SETD3: variants seen among roughly 807,000 people sequenced by gnomAD.
The protein encoded by SETD3 is SET domain containing 3, actin N3(tau)-histidine methyltransferase.
Under a neutral mutation model 63.0 loss-of-function variants are expected in SETD3, and 19 were observed. That is an observed-to-expected ratio of 0.30 (90% CI 0.21 to 0.44). The LOEUF is 0.44. Among genes scored for constraint, SETD3 ranks in the 20% least tolerant of loss-of-function variants. The pLI is 1.00. For missense variants in SETD3, 587 were observed against 728.5 expected (o/e 0.81, Z 2.24); for synonymous variants, 286 against 264.1 (o/e 1.08, Z -0.80).
intron 6 of SETD3, among the ~76,000 whole-genome samples, chr14:99,447,486 G>C (rs1268631283): frequency 6.6e-6 from 1 of 152,218 alleles, no homozygotes; most frequent in Non-Finnish European, 1.5e-5. Context: ...TTTAGAATGA[G>C]TAATTTACAA....
At chr14:99,479,722 ACT>A (rs1896164725) in intron 1 of SETD3, among the ~76,000 whole-genome samples, 1 of 152,202 alleles carries the variant, frequency 6.6e-6, no homozygotes, top group Admixed American at 6.5e-5. Flanking sequence ...AGATGGGGTA[ACT>A]CTTCGAGGAT....
At chr14:99,469,114 T>TA (rs1895555327) in intron 1 of SETD3, among the ~76,000 whole-genome samples, 2 of 152,246 alleles carry the variant, frequency 1.3e-5, no homozygotes, top group African/African-American at 4.8e-5. Context: ...TTGACAGTAA[T>TA]TCTACAGTCG....
chr14:99,412,616 A>G (rs895124946), intron 8 of SETD3: 2 of 206,450 alleles, frequency 9.7e-6, no homozygotes, highest in Middle Eastern at 1.7e-3. Flanking sequence ...GAATAAGTAA[A>G]AAGAAACTTT....
chr14:99,455,096 G>C lies in SETD3; in HGVS notation c.675+3183C>G, dbSNP rs116646851. On this transcript the variant is annotated intron_variant, in intron 6 of 12. Coordinates refer to ENST00000331768, the MANE Select transcript of SETD3 (RefSeq NM_032233.3). ...ATAGCAAATGAACTATACAATACAG[G>C]TTTGTCTTACTACAAAGCATGTGCT... Among the ~76,000 whole-genome samples the C allele has an allele frequency of 8.4e-3, 1,276 of 152,288 alleles. 15 individuals are homozygous for C. Among genetic ancestry groups the C allele is most frequent in the African/African-American group, 0.029 (1,197 of 41,554 alleles).
chr14:99,469,893 A>G (rs1385635649), intron 1 of SETD3, among the ~76,000 whole-genome samples: 1 of 152,222 alleles, frequency 6.6e-6, no homozygotes, highest in Non-Finnish European at 1.5e-5. Flanking sequence ...TCCTTCCCCC[A>G]GTAGCCCACA....
chr14:99,482,097 TGTGACAGCTCCTAAACGATTG>T (rs1207344735), upstream of SETD3, among the ~76,000 whole-genome samples: 1 of 152,242 alleles, frequency 6.6e-6, no homozygotes, highest in Non-Finnish European at 1.5e-5. Context: ...CTAGAGGTTA[TGTGACAGCTCCTAAACGATTG>T]TCTGCCCAAG....
At chr14:99,473,888 C>T (rs1435546308) in intron 1 of SETD3, among the ~76,000 whole-genome samples, 2 of 152,302 alleles carry the variant, frequency 1.3e-5, no homozygotes, top group African/African-American at 2.4e-5. Context: ...GCCATGGTAC[C>T]GTGTTAGCTG....
chr14:99,448,757 A>G (rs1187705243), intron 6 of SETD3, among the ~76,000 whole-genome samples: 2 of 152,210 alleles, frequency 1.3e-5, no homozygotes. Flanking sequence ...TGAGAACAAA[A>G]AATGTCACAT....
chr14:99,457,735 A>G (rs1894839921), intron 6 of SETD3, among the ~76,000 whole-genome samples: 1 of 152,246 alleles, frequency 6.6e-6, no homozygotes, highest in African/African-American at 2.4e-5. Context: ...TGGCCACACC[A>G]CCAAAATACA....
intron 8 of SETD3, among the ~76,000 whole-genome samples, chr14:99,410,448 G>A (rs1307704442): frequency 6.6e-6 from 1 of 152,036 alleles, no homozygotes; most frequent in African/African-American, 2.4e-5. Flanking sequence ...CATCCCACCT[G>A]GTAGAGTCGC....
chr14:99,406,608 A>C lies in SETD3; in HGVS notation c.850-18T>G. ...GTAGTGATCTAGCCCGGGGAGGAGG[A>C]AGGAAATGATGGTGAGGCAAACACA... On this transcript the variant is annotated intron_variant, in intron 8 of 12. Transcript: ENST00000331768. 6.2e-7 allele frequency: 1 copy of C among 1,612,138 alleles called. No homozygotes were observed. The highest frequency in any genetic ancestry group is 8.5e-7 in the Non-Finnish European group (1 of 1,178,204).
intron 9 of SETD3, among the ~76,000 whole-genome samples, chr14:99,406,010 TA>T (rs1301137695): frequency 6.6e-6 from 1 of 152,186 alleles, no homozygotes; most frequent in East Asian, 1.9e-4. Context: ...TAGGAATTTA[TA>T]GACACGTATT....
intron 6 of SETD3, among the ~76,000 whole-genome samples, chr14:99,421,250 A>C (rs1892582952): frequency 3.9e-5 from 6 of 152,108 alleles, no homozygotes; most frequent in Admixed American, 3.9e-4. Flanking sequence ...AAAAGTTATT[A>C]TTTTATAAGC....
intron 1 of SETD3, among the ~76,000 whole-genome samples, chr14:99,475,614 T>C (rs2139821227): frequency 6.6e-6 from 1 of 152,340 alleles, no homozygotes; most frequent in East Asian, 1.9e-4. Context: ...CATTACTACA[T>C]ATTTCTCAAA....
intron 6 of SETD3, among the ~76,000 whole-genome samples, chr14:99,457,809 T>C (rs958239453): frequency 6.6e-6 from 1 of 152,236 alleles, no homozygotes; most frequent in Admixed American, 6.5e-5. Flanking sequence ...TGAGAAACTT[T>C]CACTGAGAAC....
chr14:99,431,495 T>C (rs1451068000), intron 6 of SETD3, among the ~76,000 whole-genome samples: 1 of 149,388 alleles, frequency 6.7e-6, no homozygotes, highest in African/African-American at 2.4e-5. Context: ...TAGTAGGAAT[T>C]TTTTTTTTTT....
At chr14:99,478,480 G>C (rs1028675308) in intron 1 of SETD3, among the ~76,000 whole-genome samples, 3 of 152,184 alleles carry the variant, frequency 2.0e-5, no homozygotes, top group African/African-American at 4.8e-5. Context: ...ACTAGTTACA[G>C]TTCTAAACCC....
chr14:99,420,927 T>C (rs1332954217), intron 6 of SETD3, among the ~76,000 whole-genome samples: 2 of 94,760 alleles, frequency 2.1e-5, no homozygotes, highest in African/African-American at 8.5e-5. Context: ...ATTTCCTCAC[T>C]GGAAAAAGCC....
intron 6 of SETD3, among the ~76,000 whole-genome samples, chr14:99,425,959 T>TC (rs1892858103): frequency 6.6e-6 from 1 of 152,162 alleles, no homozygotes; most frequent in South Asian, 2.1e-4. Context: ...CCTTTTAATT[T>TC]CTAAAAAAAA....
Sources: allele counts gnomAD v4.1 joint callset (sites outside exome capture counted in the v4.1 genomes callset), GRCh38; gene constraint gnomAD v4.1.1; transcripts MANE v1.5; gene names NCBI Gene and HGNC (gene_info 2026-07-23, HGNC 2026-07-21).